The following NALF1 variants were observed in gnomAD, a reference collection of about 807,000 sequenced individuals.
NALF1 encodes NALCN channel auxiliary factor 1, also known as family with sequence similarity 155 member A.
NALF1 carries 3 observed loss-of-function variants against 48.4 expected under a neutral mutation model. That is an observed-to-expected ratio of 0.06 (90% CI 0.03 to 0.16). The LOEUF (loss-of-function observed/expected upper bound fraction) is 0.16. Ranked by LOEUF, NALF1 falls within the 10% of genes least tolerant of loss-of-function variation. The pLI, the probability that NALF1 is intolerant of heterozygous loss-of-function variation, is 1.00. For synonymous variants in NALF1, 262 were observed against 245.7 expected, an observed-to-expected ratio of 1.07 and a Z score of -0.62; for missense variants, 526 against 571.5, an observed-to-expected ratio of 0.92 and a Z score of 0.81.
At chr13:107,528,308 T>C (rs1056613029) in intron 1 of NALF1, among the ~76,000 whole-genome samples, 3 of 152,108 alleles carry the variant, frequency 2.0e-5, no homozygotes, top group South Asian at 4.1e-4. Flanking sequence ...TCATAATAAG[T>C]AAGTTAAAAC....
chr13:107,821,252 A>G (rs1359824773), intron 1 of NALF1, among the ~76,000 whole-genome samples: 2 of 152,200 alleles, frequency 1.3e-5, no homozygotes, highest in African/African-American at 2.4e-5. Context: ...TTATACCCCA[A>G]TACCTTTCAA....
intron 1 of NALF1, among the ~76,000 whole-genome samples, chr13:107,413,336 G>T (rs1884024686): frequency 6.6e-6 from 1 of 152,124 alleles, no homozygotes; most frequent in African/African-American, 2.4e-5. Context: ...AATGTTCACT[G>T]CTACATCTTA....
At position 107,171,759 on chromosome 13, in the gene NALF1, T is replaced by C. The variant is rs562133503; in HGVS notation, c.1088-973A>G. 2.6e-5 allele frequency among the ~76,000 whole-genome samples: 4 copies of C among 152,240 alleles called. No homozygotes were observed. In the South Asian group the frequency reaches 8.3e-4, roughly 32 times the overall value. On this transcript the variant is annotated intron_variant, in intron 2 of 2. Coordinates refer to ENST00000375915, the MANE Select transcript of NALF1 (RefSeq NM_001080396.3). ...TATATAAGTCATAGTGTATTTTTTT[T>C]CTACTTGACTGAACCATTTATCCAT...
rs1880734791 is a variant in NALF1, at chr13:107,866,513, C to G, written c.84G>C (p.Pro28=). Residue 28 remains proline (P), a synonymous_variant, in exon 1 of 3, where the codon CCG becomes CCC. Coordinates refer to ENST00000375915, the MANE Select transcript of NALF1 (RefSeq NM_001080396.3). This position sits in a 1 kb window ranked among gnomAD's most constrained non-coding sequence, Gnocchi z 4.4. ...WLAAPRENEK[P]FIDSERAQKW... Reference sequence around the variant, plus strand: ...TCTGAGCCCTCTCGGAATCGATGAACGGTTTCTCGTTCTCTCGGGGTGCTG... The same window carrying G: ...TCTGAGCCCTCTCGGAATCGATGAAGGGTTTCTCGTTCTCTCGGGGTGCTG... 1 of 1,613,806 alleles carries G rather than the reference C, an allele frequency of 6.2e-7. No individual in the cohort carries two copies. Among genetic ancestry groups the G allele is most frequent in the African/African-American group, 1.3e-5 (1 of 74,898 alleles).
chr13:107,789,553 GA>G (rs1878170441), intron 1 of NALF1, among the ~76,000 whole-genome samples: 1 of 152,162 alleles, frequency 6.6e-6, no homozygotes, highest in African/African-American at 2.4e-5. Flanking sequence ...GAGCAAGAGT[GA>G]AAAAGAACAG....
At chr13:107,435,151 C>T (rs9555361) in intron 1 of NALF1, among the ~76,000 whole-genome samples, 40,541 of 151,934 alleles carry the variant, frequency 0.27, 5,650 homozygotes, top group Middle Eastern at 0.36. Context: ...ATAAGAAATA[C>T]ACAGACAAAA....
chr13:107,788,715 C>T (rs1028555896), intron 1 of NALF1: 3 of 152,140 alleles, frequency 2.0e-5, no homozygotes, highest in African/African-American at 7.2e-5. Context: ...TCTGGAGGAC[C>T]CCAGCAGCTC....
At position 107,847,611 on chromosome 13, in the gene NALF1, G is replaced by A. The variant is rs1189596031; in HGVS notation, c.915+18071C>T. ...GTAAGCTACTTTGGAGAGGGTCACA[G>A]GCAAAGAAGTTAGAGACAGCACACA... On this transcript the variant is annotated intron_variant, in intron 1 of 2. Transcript: ENST00000375915. Among the ~76,000 whole-genome samples, 7 of 152,236 alleles carry A rather than the reference G, an allele frequency of 4.6e-5. No homozygotes were observed. In the East Asian group the frequency reaches 1.2e-3, roughly 25 times the overall value.
At chr13:107,550,160 C>T (rs1257536886) in intron 1 of NALF1, among the ~76,000 whole-genome samples, 1 of 152,080 alleles carries the variant, frequency 6.6e-6, no homozygotes, top group African/African-American at 2.4e-5. Context: ...TACATTTTTA[C>T]AACATTCTTG....
chr13:107,480,682 C>T (rs1392570914), intron 1 of NALF1, among the ~76,000 whole-genome samples: 8 of 152,238 alleles, frequency 5.3e-5, no homozygotes, highest in Non-Finnish European at 1.0e-4. Context: ...ATGCGGCCCA[C>T]GGGCCGTGGG....
chr13:107,618,639 T>C (rs888064995), intron 1 of NALF1, among the ~76,000 whole-genome samples: 1 of 152,082 alleles, frequency 6.6e-6, no homozygotes, highest in African/African-American at 2.4e-5. Flanking sequence ...GAATTTGAGA[T>C]GCAATTTGGA....
At chr13:107,798,058 A>G (rs1205555381) in intron 1 of NALF1, among the ~76,000 whole-genome samples, 4 of 152,276 alleles carry the variant, frequency 2.6e-5, no homozygotes, top group Admixed American at 1.3e-4. Flanking sequence ...ATGAAAACCA[A>G]TATTTTTGGC....
rs1880201579 is a variant in NALF1 at position 107,847,426 on chromosome 13, C to G, written c.915+18256G>C. Among the ~76,000 whole-genome samples the G allele has an allele frequency of 2.0e-5, 3 of 152,164 alleles. No homozygotes were observed. In the South Asian group the frequency reaches 6.2e-4, roughly 32 times the overall value. ...AATTCATGGCCTTGTGTCATCACCT[C>G]TCCTTGAATGTGGTGAGAACCAGTG... On this transcript the variant is annotated intron_variant, in intron 1 of 2. Coordinates refer to ENST00000375915, the MANE Select transcript of NALF1 (RefSeq NM_001080396.3).
In NALF1 at chr13:107,428,445, A is replaced by G. The variant is rs186448218; in HGVS notation, c.916-217690T>C. On this transcript the variant is annotated intron_variant, in intron 1 of 2. Transcript: ENST00000375915. ...TGTGGATTCATTAACATATCTGTAA[A>G]AAGTTGTTCTCTGGATTTCAATTCT... 9.5e-4 allele frequency among the ~76,000 whole-genome samples: 144 copies of G among 152,250 alleles called. 2 individuals are homozygous for G. Among genetic ancestry groups the G allele is most frequent in the African/African-American group, 3.2e-3 (134 of 41,550 alleles).
intron 1 of NALF1, among the ~76,000 whole-genome samples, chr13:107,821,665 T>C (rs966538390): frequency 2.0e-5 from 3 of 152,136 alleles, no homozygotes; most frequent in Non-Finnish European, 2.9e-5. Context: ...TGGGGAGATA[T>C]GACAACTAAA....
intron 1 of NALF1, among the ~76,000 whole-genome samples, chr13:107,442,135 T>C (rs1421843809): frequency 1.3e-5 from 2 of 151,934 alleles, no homozygotes; most frequent in African/African-American, 2.4e-5. Flanking sequence ...AGGCAGCCTA[T>C]AGGCAGGAAT....
intron 1 of NALF1, among the ~76,000 whole-genome samples, chr13:107,760,519 A>C (rs1158707243): frequency 6.6e-6 from 1 of 152,170 alleles, no homozygotes; most frequent in African/African-American, 2.4e-5. Context: ...CAGAACAAGT[A>C]ATCTGGAAAT....
intron 1 of NALF1, among the ~76,000 whole-genome samples, chr13:107,822,002 C>A (rs1255855969): frequency 2.0e-5 from 3 of 148,608 alleles, no homozygotes; most frequent in Non-Finnish European, 4.4e-5. Flanking sequence ...AAATGTATTT[C>A]CTTTTGTCAT....
intron 1 of NALF1, among the ~76,000 whole-genome samples, chr13:107,774,861 C>T (rs186791991): frequency 5.9e-5 from 9 of 152,060 alleles, no homozygotes; most frequent in Non-Finnish European, 1.0e-4. Flanking sequence ...TCCTCTCTTC[C>T]GAGTCAGGAG....
Sources: gnomAD v4.1 joint callset for allele counts (sites outside exome capture counted in the v4.1 genomes callset) on GRCh38, gnomAD v4.1.1 for gene constraint, Gnocchi (gnomAD v3.1) non-coding constraint, MANE v1.5 for transcripts, NCBI Gene and HGNC (gene_info 2026-07-23, HGNC 2026-07-21) for gene names.